Variants in PUDP observed in about 807,000 individuals in gnomAD.
PUDP encodes pseudouridine-5'-phosphatase.
A neutral mutation model predicts 9.4 loss-of-function variants in PUDP; 8 were observed. The ratio of observed to expected loss-of-function variants is 0.85; its 90% CI spans 0.50 to 1.53. The LOEUF (loss-of-function observed/expected upper bound fraction) is 1.53, where lower values mean the gene tolerates loss of function less well. Among genes scored for constraint, PUDP ranks in the 40% most tolerant of loss-of-function variants. PUDP has a pLI of 0.00. For synonymous variants in PUDP, 99 were observed against 80.7 expected (o/e 1.23, Z -1.22); for missense variants, 188 against 189.7 (o/e 0.99, Z 0.05).
At chrX:7,072,537 G>A (rs907039763) in intron 3 of PUDP, among the ~76,000 whole-genome samples, 7 of 111,682 alleles carry the variant, frequency 6.3e-5, no homozygotes, top group Non-Finnish European at 9.4e-5. Context: ...ATTTCCAGCC[G>A]GAACAGTGGC....
chrX:6,740,979 T>C (rs1362226836), intron 3 of PUDP, among the ~76,000 whole-genome samples: 3 of 110,790 alleles, frequency 2.7e-5, no homozygotes, highest in Non-Finnish European at 5.7e-5. Flanking sequence ...GCCAACATGG[T>C]GAAACCCCAT....
chrX:6,811,681 T>A (rs2146701242), intron 3 of PUDP, among the ~76,000 whole-genome samples: 1 of 110,319 alleles, frequency 9.1e-6, no homozygotes, highest in South Asian at 4.0e-4. Flanking sequence ...AGGGTCTCAC[T>A]GTATTGCCCT....
intron 3 of PUDP, among the ~76,000 whole-genome samples, chrX:6,782,612 T>C (rs770869133): frequency 1.8e-5 from 2 of 111,343 alleles, no homozygotes; most frequent in East Asian, 5.7e-4. Flanking sequence ...ACATCTACGA[T>C]TTCTGACAAT....
At chrX:7,120,486 TG>T (rs1318904547) in intron 1 of PUDP, among the ~76,000 whole-genome samples, 1 of 112,065 alleles carries the variant, frequency 8.9e-6, no homozygotes, top group Non-Finnish European at 1.9e-5. Flanking sequence ...AGACCAATTC[TG>T]GTGTCCAGAA....
chrX:6,758,333 T>G (rs1925192693), intron 3 of PUDP, among the ~76,000 whole-genome samples: 1 of 110,255 alleles, frequency 9.1e-6, no homozygotes, highest in Non-Finnish European at 1.9e-5. Context: ...CATGGTGGCA[T>G]GCACCTCTGG....
intron 3 of PUDP, 75 bp from the exon 4 acceptor site, chrX:7,050,547 T>C: frequency 2.1e-6 from 2 of 939,022 alleles, no homozygotes; most frequent in African/African-American, 3.8e-5. Context: ...ATTATCGTCG[T>C]CACCATTGGC....
At chrX:6,909,912 A>G (rs1927824388) in intron 3 of PUDP, among the ~76,000 whole-genome samples, 1 of 112,406 alleles carries the variant, frequency 8.9e-6, no homozygotes, top group Non-Finnish European at 1.9e-5. Context: ...TGCCCACTAA[A>G]GCCTTTTCTC....
chrX:6,894,073 G>C (rs1427028109), intron 3 of PUDP, among the ~76,000 whole-genome samples: 1 of 110,942 alleles, frequency 9.0e-6, no homozygotes, highest in African/African-American at 3.3e-5. Flanking sequence ...ACGTGGAGGG[G>C]AACAACACAC....
chrX:7,114,474 C>T (rs1340210213), intron 1 of PUDP, among the ~76,000 whole-genome samples: 1 of 111,816 alleles, frequency 8.9e-6, no homozygotes, highest in Non-Finnish European at 1.9e-5. Flanking sequence ...CGAAAGGGTC[C>T]ATTCATGAGG....
At chrX:6,979,431 A>G (rs944977222) in intron 1 of PUDP, among the ~76,000 whole-genome samples, 1 of 112,397 alleles carries the variant, frequency 8.9e-6, no homozygotes. Flanking sequence ...AGTTTGTTCC[A>G]CAAAATCCTT....
rs886076302 is a variant in PUDP at position 6,873,468 on chromosome X, G to A, written c.*247+103665C>T. 6.3e-5 allele frequency among the ~76,000 whole-genome samples: 7 copies of A among 111,717 alleles called. No individual in the cohort carries two copies. The South Asian group carries it at 1.1e-3, about 18-fold the overall frequency. ...TTCATAATGAAACACTGAGTAGTTC[G>A]CCCTGAAACCACGAACAGGATTTCA... is the stretch of plus-strand genomic sequence containing the variant. On this transcript the variant is annotated intron_variant and NMD_transcript_variant, in intron 3 of 3. Transcript: ENST00000655425.
At chrX:6,895,564 A>G (rs918855611) in intron 3 of PUDP, among the ~76,000 whole-genome samples, 16 of 110,488 alleles carry the variant, frequency 1.4e-4, no homozygotes, top group Non-Finnish European at 2.8e-4. Context: ...CCACCTTGAT[A>G]TATAAGCTAA....
chrX:6,753,407 A>C (rs1925130781), intron 3 of PUDP, among the ~76,000 whole-genome samples: 1 of 111,983 alleles, frequency 8.9e-6, no homozygotes, highest in Admixed American at 9.5e-5. Context: ...CATTTTTGCA[A>C]TTGCAAATTG....
chrX:6,713,618 G>A (rs766252188), intron 1 of PUDP, among the ~76,000 whole-genome samples: 13 of 111,678 alleles, frequency 1.2e-4, no homozygotes, highest in Non-Finnish European at 2.3e-4. Context: ...GGCTTATCGG[G>A]ATGTAACCCC....
intron 3 of PUDP, among the ~76,000 whole-genome samples, chrX:6,793,200 C>A (rs188326042): frequency 5.3e-5 from 6 of 112,262 alleles, no homozygotes; most frequent in Non-Finnish European, 9.4e-5. Flanking sequence ...AAATTAATTG[C>A]GGTTTCTGTC....
intron 3 of PUDP, among the ~76,000 whole-genome samples, chrX:6,955,815 T>A (rs895459752): frequency 1.8e-5 from 2 of 110,369 alleles, no homozygotes; most frequent in Non-Finnish European, 3.8e-5. Flanking sequence ...CTCCATTCAT[T>A]AATTAAACTA....
intron 1 of PUDP, among the ~76,000 whole-genome samples, chrX:7,110,695 GTT>G (rs1932021119): frequency 9.1e-6 from 1 of 110,355 alleles, no homozygotes; most frequent in South Asian, 3.9e-4. Context: ...GGGTGCGGCA[GTT>G]TTATAGGATT....
At chrX:6,906,414 C>A (rs1378342302) in intron 3 of PUDP, among the ~76,000 whole-genome samples, 1 of 112,314 alleles carries the variant, frequency 8.9e-6, no homozygotes, top group Non-Finnish European at 1.9e-5. Context: ...TTCTCTCTGA[C>A]CTCGCCCCCC....
intron 3 of PUDP, among the ~76,000 whole-genome samples, chrX:6,750,688 T>C (rs1409349175): frequency 9.0e-6 from 1 of 111,518 alleles, no homozygotes; most frequent in Non-Finnish European, 1.9e-5. Flanking sequence ...ATTCCAACTA[T>C]AAGATGCACT....
Sources: allele counts gnomAD v4.1 joint callset (sites outside exome capture counted in the v4.1 genomes callset), GRCh38; gene constraint gnomAD v4.1.1; transcripts MANE v1.5; gene names NCBI Gene and HGNC (gene_info 2026-07-23, HGNC 2026-07-21).